REG1B: variants seen among roughly 807,000 people sequenced by gnomAD.
The protein encoded by REG1B is lithostathine-1-beta.
Under a neutral mutation model 20.4 loss-of-function variants are expected in REG1B, and 21 were observed. That is an observed-to-expected ratio of 1.03 (90% CI 0.73 to 1.48). The LOEUF is 1.48. Among genes scored for constraint, REG1B ranks in the 40% most tolerant of loss-of-function variants. The pLI, the probability that REG1B is intolerant of heterozygous loss-of-function variation, is 0.00. For synonymous variants in REG1B, 82 were observed against 73.4 expected (o/e 1.12, Z -0.60); for missense variants, 247 against 197.2 (o/e 1.25, Z -1.51).
intron 1 of REG1B, 22 bp from the exon 2 acceptor site, chr2:79,087,680 A>G: frequency 1.3e-6 from 2 of 1,504,648 alleles, no homozygotes; most frequent in South Asian, 1.2e-5. Context: ...CACAGGGAAG[A>G]GGGTTTGAAG....
intron 4 of REG1B, 105 bp downstream of exon 4, chr2:79,086,262 A>T: frequency 1.6e-6 from 2 of 1,247,946 alleles, no homozygotes; most frequent in Non-Finnish European, 2.3e-6. Context: ...GCTTTTATTT[A>T]AACAAACAAA....
rs775093011 is a variant in REG1B at position 79,087,222 on chromosome 2, C to A, written c.65-292G>T. The A allele has an allele frequency of 5.7e-6, 3 of 529,464 alleles. No homozygotes were observed. The East Asian group carries it at 9.4e-5, about 17-fold the overall frequency. The allele number at this position is 529,464 out of a possible 1,614,324, so 32.8% of individuals were successfully genotyped here. On this transcript the variant is annotated intron_variant, in intron 2 of 5. Transcript: ENST00000305089. Reference sequence around the variant, plus strand: ...CCAGGCTTCCTCCTTTCTCAAGTTTCTCTCGGTTTCCCTGCACACGTTTGC... The same window carrying A: ...CCAGGCTTCCTCCTTTCTCAAGTTTATCTCGGTTTCCCTGCACACGTTTGC...
In REG1B at chr2:79,087,228, G is replaced by C; in HGVS notation, c.65-298C>G. 5.7e-6 allele frequency: 3 copies of C among 529,412 alleles called. No homozygotes were observed. The Admixed American group carries it at 1.0e-4, about 18-fold the overall frequency. The allele number at this position is 529,412 out of a possible 1,614,324, so 32.8% of individuals were successfully genotyped here. A position where few individuals can be genotyped will look rare whatever the true frequency, so the allele number is the denominator to read the frequency against. ...TTCCTCCTTTCTCAAGTTTCTCTCG[G>C]TTTCCCTGCACACGTTTGCCTTAGC... On this transcript the variant is annotated intron_variant, in intron 2 of 5. Coordinates refer to ENST00000305089, the MANE Select transcript of REG1B (RefSeq NM_006507.4).
At chr2:79,087,427 T>C (rs1266067258) in intron 2 of REG1B, 122 bp downstream of exon 2, 23 of 924,736 alleles carry the variant, frequency 2.5e-5, no homozygotes, top group Non-Finnish European at 3.6e-5. Flanking sequence ...GCCATAATGA[T>C]CACTGAACAA....
intron 4 of REG1B, 62 bp downstream of exon 4, chr2:79,086,305 T>C: frequency 6.3e-7 from 1 of 1,582,298 alleles, no homozygotes; most frequent in Non-Finnish European, 8.7e-7. Flanking sequence ...GTGCCAGACC[T>C]TAAACGTCCC....
At chr2:79,085,323 AG>A (rs763359001) in intron 5 of REG1B, 40 bp from the exon 6 acceptor site, 38 of 1,508,950 alleles carry the variant, frequency 2.5e-5, no homozygotes, top group Admixed American at 1.3e-4. Flanking sequence ...GAGGATCAGA[AG>A]GAGTGTAGCC....
At chr2:79,087,511 A>T in intron 2 of REG1B, 38 bp downstream of exon 2, 1 of 1,601,872 alleles carries the variant, frequency 6.2e-7, no homozygotes, top group Non-Finnish European at 8.5e-7. Context: ...GGAAGAATTC[A>T]GAGTTGGGGT....
rs746185421 is a variant in REG1B, at chr2:79,085,168, T to C, written c.*48A>G. The C allele has an allele frequency of 1.5e-6, 2 of 1,373,900 alleles. No individual in the cohort carries two copies. The highest frequency in any genetic ancestry group is 3.4e-5 in the Admixed American group (2 of 59,438). 85.1% of individuals were successfully genotyped at this position (1,373,900 alleles called of 1,614,324 possible). The stretch of plus-strand genomic sequence containing the variant: ...ACATAGTCTAGTTTAATTTTTGACT[T>C]CATAGTAATTGCAGGACCAGTTCTA... On this transcript the variant is annotated 3_prime_UTR_variant, in exon 6 of 6. Transcript: ENST00000305089.
At chr2:79,087,756 G>A (rs778339113) in intron 1 of REG1B, 98 bp from the exon 2 acceptor site, 23 of 717,098 alleles carry the variant, frequency 3.2e-5, no homozygotes, top group Non-Finnish European at 4.9e-5. Context: ...GAGCCGAAAG[G>A]TCCACTGAGA....
chr2:79,085,324 G>T (rs1377053467), intron 5 of REG1B, 41 bp from the exon 6 acceptor site: 4 of 1,501,116 alleles, frequency 2.7e-6, no homozygotes, highest in South Asian at 1.1e-5. Flanking sequence ...AGGATCAGAA[G>T]GAGTGTAGCC....
chr2:79,086,300 A>G, intron 4 of REG1B, 67 bp downstream of exon 4: 1 of 1,548,550 alleles, frequency 6.5e-7, no homozygotes, highest in Non-Finnish European at 8.9e-7. Context: ...TTGCGGTGCC[A>G]GACCTTAAAC....
At chr2:79,085,923 G>T in intron 4 of REG1B, 1 of 267,306 alleles carries the variant, frequency 3.7e-6, no homozygotes, top group South Asian at 5.5e-5. Flanking sequence ...ATTGGCTGTA[G>T]AGTAGTCGTT....
In REG1B at chr2:79,085,158, A is replaced by G. The variant is rs1573184271; in HGVS notation, c.*58T>C. 7.8e-7 allele frequency: 1 copy of G among 1,277,810 alleles called. No homozygotes were observed. The highest frequency in any genetic ancestry group is 2.3e-5 in the East Asian group (1 of 43,368). 79.2% of individuals were successfully genotyped at this position (1,277,810 alleles called of 1,614,324 possible). On this transcript the variant is annotated 3_prime_UTR_variant, in exon 6 of 6. Coordinates refer to ENST00000305089, the MANE Select transcript of REG1B (RefSeq NM_006507.4). ...TGAGTTGGAGACATAGTCTAGTTTA[A>G]TTTTTGACTTCATAGTAATTGCAGG...
chr2:79,085,426 C>T (rs779412928), intron 5 of REG1B, 66 bp downstream of exon 5: 10 of 1,405,884 alleles, frequency 7.1e-6, no homozygotes, highest in African/African-American at 1.4e-5. Context: ...TCCCAGTCCC[C>T]ATGTTCATCC....
intron 5 of REG1B, 96 bp from the exon 6 acceptor site, chr2:79,085,379 T>A: frequency 7.5e-7 from 1 of 1,331,796 alleles, no homozygotes; most frequent in Non-Finnish European, 1.1e-6. Flanking sequence ...AGGAAATACT[T>A]CTTTATTTTC....
rs756534703 is a variant in REG1B at position 79,085,283 on chromosome 2, C to T, written c.434G>A (p.Gly145Glu). 6.2e-7 allele frequency: 1 copy of T among 1,610,112 alleles called. No homozygotes were observed. The highest frequency in any genetic ancestry group is 1.3e-5 in the African/African-American group (1 of 74,978). The part of the protein sequence containing the change: ...GYCASLTSCS[G>E]FKKWKDESCE... ...AGATTCATCCTTCCATTTCTTGAAT[C>T]CTATGGTACAATGAGAAGTGTCAGA... Residue 145 changes from glycine to glutamate, a missense_variant and splice_region_variant, in exon 6 of 6, where the codon GGA becomes GAA. Physicochemically the swap from Gly to Glu is moderately conservative, Grantham distance 98. Coordinates refer to ENST00000305089, the MANE Select transcript of REG1B (RefSeq NM_006507.4).
chr2:79,085,816 G>C (rs1672390778), intron 4 of REG1B: 1 of 396,806 alleles, frequency 2.5e-6, no homozygotes, highest in Non-Finnish European at 4.6e-6. Context: ...CAAATAATAA[G>C]TGTTCAGAAT....
intron 3 of REG1B, 51 bp from the exon 4 acceptor site, chr2:79,086,555 T>C: frequency 1.9e-6 from 3 of 1,601,604 alleles, no homozygotes; most frequent in Non-Finnish European, 2.6e-6. Flanking sequence ...GTGTGAGGGA[T>C]ATACTGAGAC....
At chr2:79,087,858 C>A (rs577247923) in intron 1 of REG1B, 101 bp downstream of exon 1, 1 of 413,650 alleles carries the variant, frequency 2.4e-6, no homozygotes, top group South Asian at 5.8e-5. Context: ...AGTTTCATTA[C>A]TACTGGGATC....
Sources: gnomAD v4.1 joint callset for allele counts on GRCh38, gnomAD v4.1.1 for gene constraint, MANE v1.5 for transcripts, NCBI Gene and HGNC (gene_info 2026-07-23, HGNC 2026-07-21) for gene names.